Variants in BPNT1 observed in about 807,000 individuals in gnomAD.
BPNT1 encodes the protein 3'(2'),5'-bisphosphate nucleotidase 1.
A neutral mutation model predicts 36.9 loss-of-function variants in BPNT1; 28 were observed. That is an observed-to-expected ratio of 0.76 (90% CI 0.56 to 1.04). The LOEUF (loss-of-function observed/expected upper bound fraction) is 1.04. BPNT1 is among the 50% of genes least tolerant of loss of function. BPNT1 has a pLI of 0.00. For missense variants in BPNT1, 313 were observed against 372.9 expected, an observed-to-expected ratio of 0.84 and a Z score of 1.32; for synonymous variants, 119 against 130.9, an observed-to-expected ratio of 0.91 and a Z score of 0.62.
At position 220,082,097 on chromosome 1, in the gene BPNT1, G is replaced by T. The variant is rs1043747138; in HGVS notation, c.-8-2243C>A. On this transcript the variant is annotated intron_variant, in intron 1 of 8. Transcript: ENST00000322067. ...ATATATATATATATAGAGAGAGAGA[G>T]AGAGAGAGAGAGAGAGAGAGAGAGT... is the stretch of plus-strand genomic sequence containing the variant. Among the ~76,000 whole-genome samples the T allele has an allele frequency of 4.8e-3, 689 of 142,596 alleles. 7 individuals carry two copies. The highest frequency in any genetic ancestry group is 0.015 in the African/African-American group (559 of 38,300). The allele number at this position is 142,596 out of a possible 152,430, so 93.5% of individuals were successfully genotyped here.
At chr1:220,082,564 A>G (rs1362226285) in intron 1 of BPNT1, among the ~76,000 whole-genome samples, 1 of 150,506 alleles carries the variant, frequency 6.6e-6, no homozygotes. Context: ...ATTTGATTTG[A>G]TGTTTTAACC....
At chr1:220,083,902 G>A (rs139726102) in intron 1 of BPNT1, among the ~76,000 whole-genome samples, 1 of 152,166 alleles carries the variant, frequency 6.6e-6, no homozygotes, top group African/African-American at 2.4e-5. Context: ...CCTCATATAC[G>A]GAGGGATAAC....
intron 7 of BPNT1, among the ~76,000 whole-genome samples, 162 bp downstream of exon 7, chr1:220,062,595 A>C (rs1160471483): frequency 1.3e-5 from 2 of 152,142 alleles, no homozygotes; most frequent in Non-Finnish European, 2.9e-5. Context: ...ATAGTGCCAC[A>C]ATAAACATAC....
intron 2 of BPNT1, among the ~76,000 whole-genome samples, chr1:220,079,496 C>G (rs901152336): frequency 1.3e-5 from 2 of 152,158 alleles, no homozygotes; most frequent in African/African-American, 4.8e-5. Context: ...TCATCATCCG[C>G]CTGCCTCGGT....
In BPNT1 at chr1:220,059,916, G is replaced by A. The variant is rs144861510; in HGVS notation, c.673-125C>T. 35 of 617,538 alleles carry A rather than the reference G, an allele frequency of 5.7e-5. No homozygotes were observed. The Admixed American group carries it at 1.1e-3, about 19-fold the overall frequency. The allele number at this position is 617,538 out of a possible 1,614,324, so 38.3% of individuals were successfully genotyped here. A position where few individuals can be genotyped will look rare whatever the true frequency, so the allele number is the denominator to read the frequency against. On this transcript the variant is annotated intron_variant, in intron 7 of 8. Coordinates refer to ENST00000322067, the MANE Select transcript of BPNT1 (RefSeq NM_006085.6). ...TCAAGGACATTTAATCAGTTCCTCT[G>A]TTAAATTTAGTTAAAGCTTTTAGCA...
chr1:220,071,866 T>C (rs371396067), intron 4 of BPNT1, among the ~76,000 whole-genome samples: 364 of 151,834 alleles, frequency 2.4e-3, no homozygotes, highest in African/African-American at 8.3e-3. Context: ...TTTGTATTTT[T>C]AGAAGAGACG....
At chr1:220,062,250 G>A (rs899510362) in intron 7 of BPNT1, among the ~76,000 whole-genome samples, 3 of 148,766 alleles carry the variant, frequency 2.0e-5, no homozygotes, top group Non-Finnish European at 3.0e-5. Flanking sequence ...CCATTAACTC[G>A]TCATCTAGCA....
At chr1:220,073,096 A>G (rs149941763) in intron 3 of BPNT1, 139 bp from the exon 4 acceptor site, 1 of 779,662 alleles carries the variant, frequency 1.3e-6, no homozygotes, top group African/African-American at 1.7e-5. Flanking sequence ...GAGCTTTTAA[A>G]GCAAACCTTA....
rs760682156 is a variant in BPNT1 at position 220,058,981 on chromosome 1, C to T, written c.790G>A (p.Asp264Asn). The change falls in exon 9 of 9, where the codon GAT becomes AAT. Residue 264 changes from aspartate to asparagine, a missense_variant. By Grantham distance (23) the Asp-to-Asn change is conservative. Coordinates refer to ENST00000322067, the MANE Select transcript of BPNT1 (RefSeq NM_006085.6). Reference protein sequence around the residue: ...ILHAVGGKLTDIHGNVLQYHK... With the variant: ...ILHAVGGKLTNIHGNVLQYHK... ...TACTGAAGAACATTCCCATGGATAT[C>T]GGTTAACTTGCCTATAGAAAAACAT... 5.6e-6 allele frequency: 9 copies of T among 1,613,346 alleles called. No individual in the cohort carries two copies. The highest frequency in any genetic ancestry group is 4.4e-5 in the South Asian group (4 of 91,008).
intron 1 of BPNT1, among the ~76,000 whole-genome samples, chr1:220,086,400 T>A (rs1182092608): frequency 1.3e-5 from 2 of 151,976 alleles, no homozygotes; most frequent in South Asian, 4.2e-4. Context: ...TATGGCTGAG[T>A]AGCTGGAACT....
At chr1:220,087,970 C>T (rs141139516) in intron 1 of BPNT1, among the ~76,000 whole-genome samples, 10,865 of 151,972 alleles carry the variant, frequency 0.071, 521 homozygotes, top group South Asian at 0.15. Context: ...CTCTGCCTCC[C>T]GGGTTTAAGC....
chr1:220,070,939 A>G (rs1019729624), intron 4 of BPNT1, among the ~76,000 whole-genome samples: 18 of 150,868 alleles, frequency 1.2e-4, no homozygotes, highest in Middle Eastern at 3.4e-3. Context: ...AGAGTTCAAG[A>G]CCAGCCTGAC....
chr1:220,067,517 T>C, intron 5 of BPNT1, 124 bp from the exon 6 acceptor site: 1 of 563,836 alleles, frequency 1.8e-6, no homozygotes. Context: ...TCATCCGTGA[T>C]CAATCCTATT....
chr1:220,084,409 C>T (rs1203645204), intron 1 of BPNT1, among the ~76,000 whole-genome samples: 1 of 151,916 alleles, frequency 6.6e-6, no homozygotes, highest in Non-Finnish European at 1.5e-5. Context: ...ATTTCTATTC[C>T]TTTATATCCA....
intron 1 of BPNT1, among the ~76,000 whole-genome samples, chr1:220,082,085 T>TAGAGAG (rs3055555): frequency 9.4e-4 from 97 of 103,278 alleles, no homozygotes; most frequent in African/African-American, 2.7e-3. Context: ...TATATATATA[T>TAGAGAG]AGAGAGAGAG....
intron 8 of BPNT1, 82 bp from the exon 9 acceptor site, chr1:220,059,074 C>T: frequency 1.4e-6 from 2 of 1,417,204 alleles, no homozygotes; most frequent in Non-Finnish European, 2.0e-6. Context: ...GTGCCTTTTG[C>T]TTCCTTATCC....
In BPNT1 at chr1:220,058,506, T is replaced by C. The variant is rs754749719; in HGVS notation, c.*338A>G. On this transcript the variant is annotated 3_prime_UTR_variant, in exon 9 of 9. Transcript: ENST00000322067. ...CAAGTCTTTCTCCTAGCTAAGTAAA[T>C]GAAACTTTAAGTACTTTTTGGGTTT... The C allele has an allele frequency of 1.0e-6, 1 of 991,166 alleles. No individual in the cohort carries two copies. 61.4% of individuals were successfully genotyped at this position (991,166 alleles called of 1,614,324 possible).
In BPNT1 at chr1:220,079,742, C is replaced by T. The variant is rs1276972156; in HGVS notation, c.105G>A (p.Leu35=). The change falls in exon 2 of 9, where the codon CTG becomes CTA. Residue 35 remains leucine, a synonymous_variant. Transcript: ENST00000322067. ...GTTTGAGTACCTTCTCCACAATACC[C>T]AGGTCTCCTTCAGCAATAACACGTC... ...IVRRVIAEGD[L]GIVEKTCATD... is the part of the protein sequence containing the mutation. 2 of 1,613,986 alleles carry T rather than the reference C, an allele frequency of 1.2e-6. No homozygotes were observed. Among genetic ancestry groups the T allele is most frequent in the African/African-American group, 2.7e-5 (2 of 74,918 alleles).
intron 1 of BPNT1, among the ~76,000 whole-genome samples, chr1:220,086,795 T>C (rs1655769185): frequency 1.3e-5 from 2 of 152,024 alleles, no homozygotes; most frequent in Admixed American, 6.6e-5. Flanking sequence ...AGGCTAGTCT[T>C]GAACTCCTGA....
Sources: allele counts gnomAD v4.1 joint callset (sites outside exome capture counted in the v4.1 genomes callset), GRCh38; gene constraint gnomAD v4.1.1; transcripts MANE v1.5; gene names NCBI Gene and HGNC (gene_info 2026-07-23, HGNC 2026-07-21).